The following TMEM182 variants were observed in gnomAD, a reference collection of about 807,000 sequenced individuals.
The protein encoded by TMEM182 is transmembrane protein 182.
Under a neutral mutation model 26.8 loss-of-function variants are expected in TMEM182, and 20 were observed. The ratio of observed to expected loss-of-function variants is 0.75; its 90% CI spans 0.53 to 1.09. The LOEUF is 1.09. TMEM182 is among the 50% of genes least tolerant of loss of function. The probability of loss-of-function intolerance (pLI) is 0.00; values close to 1 mark genes in which losing one functional copy is unlikely to be tolerated. For synonymous variants in TMEM182, 109 were observed against 102.2 expected, an observed-to-expected ratio of 1.07 and a Z score of -0.40; for missense variants, 277 against 275.5, an observed-to-expected ratio of 1.01 and a Z score of -0.04.
chr2:102,761,091 G>A (rs1313421425), upstream of TMEM182, among the ~76,000 whole-genome samples: 1 of 152,086 alleles, frequency 6.6e-6, no homozygotes, highest in Non-Finnish European at 1.5e-5. Flanking sequence ...GATTATTGTT[G>A]AGAATATAAA....
Position 102,816,295 on chromosome 2 carries a change from G to A in TMEM182, c.*1327G>A, listed in dbSNP as rs981508132. On this transcript the variant is annotated 3_prime_UTR_variant, in exon 5 of 5. Coordinates refer to ENST00000412401, the MANE Select transcript of TMEM182 (RefSeq NM_144632.5). Reference sequence around the variant, plus strand: ...CTGCAGCTGTTGTGAGGACAGAGAGGCATGGCCCACAGGCAAAAAAAGTCA... The same window carrying A: ...CTGCAGCTGTTGTGAGGACAGAGAGACATGGCCCACAGGCAAAAAAAGTCA... The A allele has an allele frequency of 2.0e-6, 2 of 985,132 alleles. No individual in the cohort carries two copies. Among genetic ancestry groups the A allele is most frequent in the Admixed American group, 1.2e-4 (2 of 16,240 alleles). The allele number at this position is 985,132 out of a possible 1,614,324, so 61.0% of individuals were successfully genotyped here.
intron 1 of TMEM182, among the ~76,000 whole-genome samples, chr2:102,744,729 T>A (rs1050974737): frequency 9.2e-5 from 14 of 152,188 alleles, no homozygotes; most frequent in African/African-American, 3.1e-4. Flanking sequence ...TCGCTTATTG[T>A]CTTCATCCTT....
rs754089227 is a variant in TMEM182 at position 102,797,945 on chromosome 2, C to T, written c.414C>T (p.Ala138=). Residue 138 remains alanine (A), a synonymous_variant, in exon 4 of 5, where the codon GCC becomes GCT. Coordinates refer to ENST00000412401, the MANE Select transcript of TMEM182 (RefSeq NM_144632.5). The part of the protein sequence containing the change: ...VIASFLIICA[A]PFASHFLYKA... ...CAAGCTTTTTGATCATCTGTGCAGC[C>T]CCCTTCGCCAGCCATTTTCTCTACA... is the stretch of plus-strand genomic sequence containing the variant. 6.8e-6 allele frequency: 11 copies of T among 1,613,932 alleles called. No homozygotes were observed. The highest frequency in any genetic ancestry group is 4.5e-5 in the East Asian group (2 of 44,886).
Position 102,832,773 on chromosome 2 carries a change from C to A in TMEM182, c.326-10639C>A, listed in dbSNP as rs888912071. Among the ~76,000 whole-genome samples, 3 of 152,124 alleles carry A rather than the reference C, an allele frequency of 2.0e-5. No homozygotes were observed. In the East Asian group the frequency reaches 5.8e-4, roughly 29 times the overall value. On this transcript the variant is annotated intron_variant, in intron 3 of 3. Transcript: ENST00000486293. The stretch of plus-strand genomic sequence containing the variant: ...AGCTATTCAGTGACTTACTTTCTCC[C>A]CCACCACACACACACTCAAGAATTG...
intron 4 of TMEM182, among the ~76,000 whole-genome samples, chr2:102,802,768 G>C (rs145210640): frequency 1.3e-5 from 2 of 152,220 alleles, no homozygotes; most frequent in African/African-American, 4.8e-5. Context: ...GGACATCTAC[G>C]TGTGTGAAAT....
rs536039240 is a variant in TMEM182 at position 102,750,579 on chromosome 2, G to C, written c.-82-7810G>C. On this transcript the variant is annotated intron_variant, in intron 1 of 5. Coordinates refer to the TMEM182 transcript ENST00000409173. ...GTCAAAACCTTATGAAGGTCTTTCC[G>C]GGTATTCAATGGGTGAATGAATAAG... 3.3e-5 allele frequency among the ~76,000 whole-genome samples: 5 copies of C among 152,232 alleles called. No homozygotes were observed. In the South Asian group the frequency reaches 6.2e-4, roughly 19 times the overall value.
chr2:102,819,946 C>T (rs1255559747), downstream of TMEM182, among the ~76,000 whole-genome samples: 2 of 152,172 alleles, frequency 1.3e-5, no homozygotes, highest in African/African-American at 2.4e-5. Flanking sequence ...CTGTAAATGC[C>T]AGTGGCCATG....
At chr2:102,796,980 A>C (rs1404414499) in intron 3 of TMEM182, among the ~76,000 whole-genome samples, 1 of 152,200 alleles carries the variant, frequency 6.6e-6, no homozygotes, top group African/African-American at 2.4e-5. Context: ...TACTATCAAG[A>C]ATTTATTTTA....
chr2:102,772,195 A>G (rs1288683333), intron 3 of TMEM182, among the ~76,000 whole-genome samples: 1 of 152,150 alleles, frequency 6.6e-6, no homozygotes, highest in Non-Finnish European at 1.5e-5. Flanking sequence ...TTCTGCCTGA[A>G]ACTTTGGACC....
chr2:102,828,608 G>T (rs1183083708), intron 3 of TMEM182, among the ~76,000 whole-genome samples: 5 of 152,188 alleles, frequency 3.3e-5, no homozygotes, highest in Non-Finnish European at 7.3e-5. Context: ...TGATGGCCAA[G>T]GTGAGGGAAG....
At chr2:102,759,423 A>C (rs117497779), upstream of TMEM182, among the ~76,000 whole-genome samples, 1 of 152,096 alleles carries the variant, frequency 6.6e-6, no homozygotes, top group African/African-American at 2.4e-5. Context: ...TTGTTCTAAC[A>C]AATCTTTTTT....
chr2:102,778,628 A>G (rs1289775033), intron 3 of TMEM182, among the ~76,000 whole-genome samples: 1 of 151,954 alleles, frequency 6.6e-6, no homozygotes, highest in Non-Finnish European at 1.5e-5. Context: ...GTTTTGATTT[A>G]TCTATAGTGG....
intron 3 of TMEM182, among the ~76,000 whole-genome samples, chr2:102,794,014 G>A (rs1292562549): frequency 1.3e-5 from 2 of 152,114 alleles, no homozygotes; most frequent in Non-Finnish European, 2.9e-5. Context: ...AGGCTGCAGT[G>A]AGCTGTGATT....
intron 4 of TMEM182, among the ~76,000 whole-genome samples, chr2:102,807,702 T>C (rs1346977062): frequency 6.6e-6 from 1 of 152,208 alleles, no homozygotes; most frequent in African/African-American, 2.4e-5. Flanking sequence ...TGTTGGACTC[T>C]GGAATGCACC....
intron 3 of TMEM182, among the ~76,000 whole-genome samples, chr2:102,782,108 C>A (rs1681195005): frequency 6.6e-6 from 1 of 152,028 alleles, no homozygotes; most frequent in African/African-American, 2.4e-5. Context: ...GAGTTTGAGA[C>A]CAGCGTGGCC....
At chr2:102,818,622 C>G (rs992404588), downstream of TMEM182, among the ~76,000 whole-genome samples, 1 of 152,102 alleles carries the variant, frequency 6.6e-6, no homozygotes, top group African/African-American at 2.4e-5. Context: ...AAGATCATCC[C>G]TCCTGCCCAT....
At chr2:102,765,689 T>G (rs1285611028) in intron 3 of TMEM182, among the ~76,000 whole-genome samples, 1 of 152,210 alleles carries the variant, frequency 6.6e-6, no homozygotes, top group Non-Finnish European at 1.5e-5. Flanking sequence ...TTGTATTACA[T>G]CATTAATAGG....
chr2:102,738,948 C>T (rs1679466232), intron 1 of TMEM182, among the ~76,000 whole-genome samples: 1 of 152,160 alleles, frequency 6.6e-6, no homozygotes, highest in East Asian at 1.9e-4. Flanking sequence ...GTATGACTTG[C>T]AAGCCTAATA....
chr2:102,749,433 A>G (rs990687810), intron 1 of TMEM182, among the ~76,000 whole-genome samples: 1 of 152,152 alleles, frequency 6.6e-6, no homozygotes, highest in African/African-American at 2.4e-5. Flanking sequence ...CTGAGGGTGA[A>G]TTGGGAATGA....
Sources: allele counts gnomAD v4.1 joint callset (sites outside exome capture counted in the v4.1 genomes callset), GRCh38; gene constraint gnomAD v4.1.1; transcripts MANE v1.5; gene names NCBI Gene and HGNC (gene_info 2026-07-23, HGNC 2026-07-21).